The following MYOM1 variants were observed in gnomAD, a reference collection of about 807,000 sequenced individuals.
MYOM1 encodes the protein myomesin 1, also known as myomesin-1.
MYOM1 carries 164 observed loss-of-function variants against 205.3 expected under a neutral mutation model. That is an observed-to-expected ratio of 0.80 (90% CI 0.70 to 0.91). The LOEUF is 0.91. Among genes scored for constraint, MYOM1 ranks in the 40% least tolerant of loss-of-function variants. The pLI, the probability that MYOM1 is intolerant of heterozygous loss-of-function variation, is 0.00. For missense variants in MYOM1, 2,011 were observed against 2,127.3 expected, an observed-to-expected ratio of 0.95 and a Z score of 1.08; for synonymous variants, 772 against 789.4, an observed-to-expected ratio of 0.98 and a Z score of 0.37.
chr18:3,203,238 A>G (rs55888877), intron 2 of MYOM1, among the ~76,000 whole-genome samples: 1,835 of 150,856 alleles, frequency 0.012, 21 homozygotes, highest in Middle Eastern at 0.042. Context: ...AGTAGCTAGA[A>G]AAAGATAAAA....
At chr18:3,154,511 T>C (rs1318981334) in intron 11 of MYOM1, among the ~76,000 whole-genome samples, 1 of 151,884 alleles carries the variant, frequency 6.6e-6, no homozygotes, top group Non-Finnish European at 1.5e-5. Context: ...CACTATGATA[T>C]GAGCTGTCAC....
At chr18:3,175,416 G>A (rs2080623542) in intron 6 of MYOM1, among the ~76,000 whole-genome samples, 2 of 151,982 alleles carry the variant, frequency 1.3e-5, no homozygotes, top group South Asian at 4.1e-4. Context: ...CATCTTGGGA[G>A]GCAAAATAAA....
At chr18:3,210,250 C>T (rs1279392059) in intron 2 of MYOM1, among the ~76,000 whole-genome samples, 1 of 152,204 alleles carries the variant, frequency 6.6e-6, no homozygotes, top group South Asian at 2.1e-4. Context: ...GCACTCTCTG[C>T]TGTGTTTGGT....
At chr18:3,226,587 G>A in the MYOM1 span, among the ~76,000 whole-genome samples, 1 of 151,944 alleles carries the variant, frequency 6.6e-6, no homozygotes, top group African/African-American at 2.4e-5. The surrounding 1 kb of genome is among the most constrained non-coding windows in gnomAD (Gnocchi z 4.6). Context: ...CCTTCACCCC[G>A]CTCCTTCAAC....
At chr18:3,078,694 C>T (rs1225529781) in intron 34 of MYOM1, among the ~76,000 whole-genome samples, 1 of 152,086 alleles carries the variant, frequency 6.6e-6, no homozygotes, top group African/African-American at 2.4e-5. Flanking sequence ...CCTTGGCCTC[C>T]CAAAGTGCTA....
intron 2 of MYOM1, among the ~76,000 whole-genome samples, chr18:3,204,756 G>T (rs9961776): frequency 0.29 from 44,025 of 151,692 alleles, 7,225 homozygotes; most frequent in African/African-American, 0.46. Flanking sequence ...ATGAAGGAAC[G>T]ACATAGGCAA....
Position 3,188,650 on chromosome 18 carries a change from CAAAT to C in MYOM1, c.771+94_771+97del, listed in dbSNP as rs569152256. ...TCTCAAAAGGAAAAAAAAAAAGAAA[CAAAT>C]CAATCTATATCTACACACACACACA... On this transcript the variant is annotated intron_variant, in intron 4 of 37. Coordinates refer to ENST00000356443, the MANE Select transcript of MYOM1 (RefSeq NM_003803.4). 3.3e-4 allele frequency: 407 copies of C among 1,233,478 alleles called. No individual in the cohort carries two copies. In the African/African-American group the frequency reaches 4.9e-3, roughly 15 times the overall value. 76.4% of individuals were successfully genotyped at this position (1,233,478 alleles called of 1,614,324 possible).
intron 5 of MYOM1, among the ~76,000 whole-genome samples, chr18:3,184,030 C>T (rs1210966186): frequency 1.3e-5 from 2 of 151,872 alleles, no homozygotes; most frequent in African/African-American, 4.8e-5. Flanking sequence ...CTCAGCCTCC[C>T]GAGTAGCTGG....
At chr18:3,106,177 T>C (rs2079448935) in intron 22 of MYOM1, among the ~76,000 whole-genome samples, 1 of 152,224 alleles carries the variant, frequency 6.6e-6, no homozygotes, top group South Asian at 2.1e-4. Context: ...GCATATGCTA[T>C]GCCATTTTAT....
At chr18:3,089,634 G>A in intron 27 of MYOM1, 38 bp from the exon 28 acceptor site, 2 of 1,559,944 alleles carry the variant, frequency 1.3e-6, no homozygotes, top group Non-Finnish European at 1.7e-6. Context: ...AAATTGAGTT[G>A]GGTGGTATAA....
intron 26 of MYOM1, among the ~76,000 whole-genome samples, chr18:3,092,704 T>G (rs573164194): frequency 4.6e-5 from 7 of 152,290 alleles, no homozygotes; most frequent in African/African-American, 1.7e-4. Flanking sequence ...AACTCTGTGA[T>G]GCAATTCATG....
Position 3,075,444 on chromosome 18 carries a change from GTT to G in MYOM1, c.4708+8_4708+9del. On this transcript the variant is annotated splice_region_variant and intron_variant, in intron 36 of 37. Coordinates refer to ENST00000356443, the MANE Select transcript of MYOM1 (RefSeq NM_003803.4). ...AGTACTTGTGAAAAGTAAAAAAAAAGTTTACTTACTTTTCTCGGCAATGGCAG... is the reference window on the plus strand; with the variant it reads ...AGTACTTGTGAAAAGTAAAAAAAAAGTACTTACTTTTCTCGGCAATGGCAG... 6.2e-7 allele frequency: 1 copy of G among 1,610,446 alleles called. No homozygotes were observed. Among genetic ancestry groups the G allele is most frequent in the Non-Finnish European group, 8.5e-7 (1 of 1,177,234 alleles).
intron 16 of MYOM1, among the ~76,000 whole-genome samples, chr18:3,133,291 G>A (rs1372662387): frequency 2.0e-5 from 3 of 151,994 alleles, no homozygotes; most frequent in Admixed American, 6.5e-5. Context: ...TGGGGTCCTC[G>A]GACTGAGAAG....
At chr18:3,117,802 ATTTG>A (rs1555619351) in intron 20 of MYOM1, among the ~76,000 whole-genome samples, 1 of 152,136 alleles carries the variant, frequency 6.6e-6, no homozygotes, top group Non-Finnish European at 1.5e-5. Context: ...ATAGTTCAAT[ATTTG>A]TTTGGCCCTT....
At chr18:3,236,543 G>C in the MYOM1 span, 3 of 152,286 alleles carry the variant, frequency 2.0e-5, no homozygotes, top group African/African-American at 7.2e-5. Flanking sequence ...GCAAAGGTGA[G>C]TCAAAGTTTT....
At chr18:3,122,833 A>T (rs2079716967) in intron 19 of MYOM1, among the ~76,000 whole-genome samples, 1 of 152,246 alleles carries the variant, frequency 6.6e-6, no homozygotes, top group Non-Finnish European at 1.5e-5. Context: ...AATTTTAATT[A>T]ACTGTTGGCA....
intron 37 of MYOM1, among the ~76,000 whole-genome samples, chr18:3,071,606 G>C (rs553488441): frequency 6.6e-6 from 1 of 152,036 alleles, no homozygotes; most frequent in Non-Finnish European, 1.5e-5. Context: ...TGATCCGCCC[G>C]CCTCAGCCTC....
chr18:3,219,367 A>G lies in MYOM1; in HGVS notation c.-29+436T>C, dbSNP rs533666899. ...CAGCAAGATCCCTGAATTATAAACT[A>G]GTGACTTCAGAGTTAATTTTCCTTC... On this transcript the variant is annotated intron_variant, in intron 1 of 37. Coordinates refer to ENST00000356443, the MANE Select transcript of MYOM1 (RefSeq NM_003803.4). This position sits in a 1 kb window ranked among gnomAD's most constrained non-coding sequence, Gnocchi z 4.4. Among the ~76,000 whole-genome samples, 3 of 152,236 alleles carry G rather than the reference A, an allele frequency of 2.0e-5. No homozygotes were observed. The South Asian group carries it at 6.2e-4, about 32-fold the overall frequency.
Position 3,116,476 on chromosome 18 carries a change from T to C in MYOM1, c.3158A>G (p.Asp1053Gly), listed in dbSNP as rs200545815. The C allele has an allele frequency of 6.2e-6, 10 of 1,608,100 alleles. No individual in the cohort carries two copies. The East Asian group carries it at 2.0e-4, about 32-fold the overall frequency. The change falls in exon 21 of 38, where the codon GAC (aspartate) becomes GGC (glycine). Residue 1053 changes from aspartate to glycine, a missense_variant. Physicochemically the swap from Asp to Gly is moderately conservative, Grantham distance 94. Coordinates refer to ENST00000356443, the MANE Select transcript of MYOM1 (RefSeq NM_003803.4). ...HSLKCSEVRK[D>G]SLVLQWKPPV... ...CGGCTTCCACTGGAGAACCAGTGAG[T>C]CTTTCCTGACTTCACTACACTTGAG... is the stretch of plus-strand genomic sequence containing the variant.
Sources: gnomAD v4.1 joint callset for allele counts (sites outside exome capture counted in the v4.1 genomes callset) on GRCh38, gnomAD v4.1.1 for gene constraint, Gnocchi (gnomAD v3.1) non-coding constraint, MANE v1.5 for transcripts, NCBI Gene and HGNC (gene_info 2026-07-23, HGNC 2026-07-21) for gene names.